Variants in NPAS3 observed in about 807,000 individuals in gnomAD.
The protein encoded by NPAS3 is neuronal PAS domain protein 3, also known as neuronal PAS domain-containing protein 3.
NPAS3 carries 14 observed loss-of-function variants against 73.1 expected under a neutral mutation model. The observed-to-expected ratio is 0.19, with a 90% confidence interval of 0.13 to 0.30. The LOEUF is 0.30. Among genes scored for constraint, NPAS3 ranks in the 10% least tolerant of loss-of-function variants. The probability of loss-of-function intolerance (pLI) is 1.00; values close to 1 mark genes in which losing one functional copy is unlikely to be tolerated. For missense variants in NPAS3, 1,096 were observed against 1,250.0 expected (o/e 0.88, Z 1.86); for synonymous variants, 620 against 541.5 (o/e 1.14, Z -2.01).
At chr14:33,740,958 A>G (rs1207401467) in intron 7 of NPAS3, among the ~76,000 whole-genome samples, 1 of 152,206 alleles carries the variant, frequency 6.6e-6, no homozygotes, top group Non-Finnish European at 1.5e-5. Flanking sequence ...GTGACATATT[A>G]TAATAAGAAT....
intron 4 of NPAS3, among the ~76,000 whole-genome samples, chr14:33,409,696 G>T (rs1208429022): frequency 6.6e-6 from 1 of 152,198 alleles, no homozygotes. Flanking sequence ...TTCCAGAAGA[G>T]TCTGGCCCTG....
intron 5 of NPAS3, among the ~76,000 whole-genome samples, chr14:33,638,614 T>A (rs997067766): frequency 2.6e-5 from 4 of 152,234 alleles, no homozygotes; most frequent in Admixed American, 6.5e-5. Flanking sequence ...TGGCCATTAG[T>A]AGTTTTAATT....
chr14:33,398,371 T>G (rs556261021), intron 4 of NPAS3, among the ~76,000 whole-genome samples: 1 of 150,968 alleles, frequency 6.6e-6, no homozygotes, highest in Admixed American at 6.7e-5. Context: ...CTCTGTATGT[T>G]TAATTATCCA....
At chr14:33,331,982 A>G (rs949508447) in intron 3 of NPAS3, among the ~76,000 whole-genome samples, 8 of 152,222 alleles carry the variant, frequency 5.3e-5, no homozygotes, top group African/African-American at 1.9e-4. Flanking sequence ...AACCTGGGGA[A>G]AACACCTACT....
chr14:33,087,122 A>G (rs1250181603), intron 2 of NPAS3, among the ~76,000 whole-genome samples: 1 of 121,730 alleles, frequency 8.2e-6, no homozygotes, highest in Non-Finnish European at 1.6e-5. Context: ...AATATAGTAT[A>G]CAATATAATA....
intron 3 of NPAS3, among the ~76,000 whole-genome samples, chr14:33,293,356 G>A (rs1352129950): frequency 6.6e-6 from 1 of 152,144 alleles, no homozygotes. Context: ...TACCTTCTCT[G>A]CCCTGCCCCT....
intron 2 of NPAS3, among the ~76,000 whole-genome samples, chr14:33,165,179 C>T (rs2139337817): frequency 6.6e-6 from 1 of 152,136 alleles, no homozygotes; most frequent in South Asian, 2.1e-4. Context: ...TCGGAAAGCA[C>T]TGGGTGATTT....
At chr14:33,450,105 G>A (rs1371739746) in intron 4 of NPAS3, among the ~76,000 whole-genome samples, 4 of 152,196 alleles carry the variant, frequency 2.6e-5, no homozygotes. Context: ...ACATGGTGAG[G>A]ACAAGTTCTC....
chr14:33,367,375 T>C lies in NPAS3; in HGVS notation c.468+107T>C, dbSNP rs1288151718. ...TTTAAATGTCAGCTGTATATTTGAC[T>C]GTTGTGATTTTATCTTGAAATTCCG... On this transcript the variant is annotated intron_variant, in intron 4 of 11. Transcript: ENST00000356141. 2.9e-5 allele frequency: 16 copies of C among 556,714 alleles called. 1 individual carries two copies. The East Asian group carries it at 5.0e-4, about 17-fold the overall frequency. 34.5% of individuals were successfully genotyped at this position (556,714 alleles called of 1,614,324 possible). A position where few individuals can be genotyped will look rare whatever the true frequency, so the allele number is the denominator to read the frequency against.
intron 1 of NPAS3, among the ~76,000 whole-genome samples, chr14:33,008,690 A>G (rs751844444): frequency 6.6e-6 from 1 of 152,190 alleles, no homozygotes; most frequent in Non-Finnish European, 1.5e-5. Flanking sequence ...AAATATAAGA[A>G]ATGAACGTTA....
chr14:33,778,659 C>A, intron 9 of NPAS3, 87 bp downstream of exon 9: 1 of 847,508 alleles, frequency 1.2e-6, no homozygotes, highest in Non-Finnish European at 2.0e-6. Flanking sequence ...TTTTTCCCTT[C>A]ATCTTTCCTG....
At chr14:33,240,783 T>C (rs2048189499) in intron 3 of NPAS3, among the ~76,000 whole-genome samples, 1 of 151,940 alleles carries the variant, frequency 6.6e-6, no homozygotes, top group African/African-American at 2.4e-5. Context: ...CTTAGGGACT[T>C]AATATTTCTA....
Position 33,185,023 on chromosome 14 carries a change from A to G in NPAS3, c.141-30159A>G, listed in dbSNP as rs555264357. On this transcript the variant is annotated intron_variant, in intron 2 of 11. Transcript: ENST00000356141. ...CTTTAAGAACTCTTTCAGTGAATGA[A>G]TGAATGAATGAATGAAACAGGAATA... is the stretch of plus-strand genomic sequence containing the variant. Among the ~76,000 whole-genome samples the G allele has an allele frequency of 1.8e-4, 27 of 152,286 alleles. 1 individual carries two copies. The South Asian group carries it at 5.4e-3, about 30-fold the overall frequency.
intron 5 of NPAS3, among the ~76,000 whole-genome samples, chr14:33,643,557 T>G (rs76465285): frequency 0.024 from 3,692 of 152,146 alleles, 146 homozygotes; most frequent in African/African-American, 0.084. Context: ...CCTTTGTGAG[T>G]TGGCTTTTTG....
intron 5 of NPAS3, among the ~76,000 whole-genome samples, chr14:33,663,356 G>C (rs544314642): frequency 6.6e-6 from 1 of 152,234 alleles, no homozygotes; most frequent in African/African-American, 2.4e-5. Context: ...CTGTTTATGT[G>C]ATGGATTATG....
Position 33,577,302 on chromosome 14 carries a change from AAT to A in NPAS3, c.558+17095_558+17096del, listed in dbSNP as rs145846865. Among the ~76,000 whole-genome samples the A allele has an allele frequency of 6.9e-3, 1,053 of 152,260 alleles. 51 individuals are homozygous for A. The East Asian group carries it at 0.16, about 23-fold the overall frequency. ...ATTACTCATACCTCTTCAGATTACC[AAT>A]ATGAAAAATCTAAACCAATTCTTCT... On this transcript the variant is annotated intron_variant, in intron 5 of 11. Coordinates refer to ENST00000356141, the Ensembl canonical transcript of NPAS3.
At chr14:32,960,880 G>T (rs1037050259) in intron 1 of NPAS3, among the ~76,000 whole-genome samples, 3 of 152,144 alleles carry the variant, frequency 2.0e-5, no homozygotes, top group Non-Finnish European at 2.9e-5. Context: ...TTGTGTTTGG[G>T]TTAGTTTTGT....
intron 4 of NPAS3, among the ~76,000 whole-genome samples, chr14:33,518,592 A>ATTTT (rs71433619): frequency 0.033 from 4,260 of 128,756 alleles, 175 homozygotes; most frequent in Middle Eastern, 0.072. Flanking sequence ...GACATCAAGG[A>ATTTT]TTTTTTTTTT....
intron 7 of NPAS3, among the ~76,000 whole-genome samples, chr14:33,736,609 T>C (rs1304533597): frequency 7.2e-5 from 11 of 152,184 alleles, no homozygotes; most frequent in African/African-American, 2.7e-4. Context: ...CTTAGCAAGT[T>C]TGGAGTTCTA....
Sources: gnomAD v4.1 joint callset for allele counts (sites outside exome capture counted in the v4.1 genomes callset) on GRCh38, gnomAD v4.1.1 for gene constraint, MANE v1.5 for transcripts, NCBI Gene and HGNC (gene_info 2026-07-23, HGNC 2026-07-21) for gene names.